Variants in NFAM1 observed in about 807,000 individuals in gnomAD.
The protein encoded by NFAM1 is NFAT activation molecule 1.
Under a neutral mutation model 29.0 loss-of-function variants are expected in NFAM1, and 17 were observed. The observed-to-expected ratio is 0.59, with a 90% confidence interval of 0.40 to 0.88. The LOEUF (loss-of-function observed/expected upper bound fraction) is 0.88, where lower values mean the gene tolerates loss of function less well. Ranked by LOEUF, NFAM1 falls within the 40% of genes least tolerant of loss-of-function variation. The pLI, the probability that NFAM1 is intolerant of heterozygous loss-of-function variation, is 0.00. For missense variants in NFAM1, 324 were observed against 344.6 expected (o/e 0.94, Z 0.47); for synonymous variants, 175 against 147.2 (o/e 1.19, Z -1.36).
chr22:42,422,040 T>G (rs2146550683), intron 1 of NFAM1, among the ~76,000 whole-genome samples: 1 of 152,306 alleles, frequency 6.6e-6, no homozygotes, highest in Admixed American at 6.5e-5. Flanking sequence ...CAGAGACTAT[T>G]TCGGAGCTTT....
rs1930024908 is a variant in NFAM1 at position 42,409,881 on chromosome 22, T to C, written c.452-334A>G. ...CTCTTCTTTTCCCTGTGTGAGGTGG[T>C]GATAATACGGGTGGATGTGGCTAGG... On this transcript the variant is annotated intron_variant, in intron 2 of 5. Transcript: ENST00000329021. This position sits in a 1 kb window ranked among gnomAD's most constrained non-coding sequence, Gnocchi z 4.9. Among the ~76,000 whole-genome samples, 1 of 152,084 alleles carries C rather than the reference T, an allele frequency of 6.6e-6. No individual in the cohort carries two copies. Among genetic ancestry groups the C allele is most frequent in the Admixed American group, 6.6e-5 (1 of 15,262 alleles).
chr22:42,399,905 G>A (rs368942550), intron 3 of NFAM1, among the ~76,000 whole-genome samples: 6 of 152,318 alleles, frequency 3.9e-5, no homozygotes, highest in South Asian at 4.1e-4. Context: ...GGCAGAAGCC[G>A]GCGCCACCCC....
chr22:42,382,796 TCTCCTC>T lies in NFAM1; in HGVS notation c.*2359_*2364del, dbSNP rs374319363. ...AGGGTCCCGTCCTTTCATGCTGTGC[TCTCCTC>T]CTCCTCCTCCTCCTCCCTGCCTCTC... On this transcript the variant is annotated 3_prime_UTR_variant, in exon 6 of 6. Transcript: ENST00000329021. The T allele has an allele frequency of 4.5e-5, 7 of 153,924 alleles. No homozygotes were observed. The highest frequency in any genetic ancestry group is 1.9e-4 in the East Asian group (1 of 5,212). The allele number at this position is 153,924 out of a possible 1,614,324, so 9.5% of individuals were successfully genotyped here.
rs577014993 is a variant in NFAM1 at position 42,409,013 on chromosome 22, G to A, written c.564+422C>T. ...GTGTGTGGGAGGGTTGCTGGAGGGC[G>A]TGCGAGAGGGCGAGTGGGAGGGTGT... is the stretch of plus-strand genomic sequence containing the variant. On this transcript the variant is annotated intron_variant, in intron 3 of 5. Coordinates refer to ENST00000329021, the MANE Select transcript of NFAM1 (RefSeq NM_145912.8). This position sits in a 1 kb window ranked among gnomAD's most constrained non-coding sequence, Gnocchi z 4.9. Among the ~76,000 whole-genome samples the A allele has an allele frequency of 2.6e-5, 4 of 152,042 alleles. No homozygotes were observed. The highest frequency in any genetic ancestry group is 1.9e-4 in the East Asian group (1 of 5,170).
upstream of NFAM1, among the ~76,000 whole-genome samples, chr22:42,433,518 T>G (rs1160193678): frequency 6.6e-6 from 1 of 152,190 alleles, no homozygotes; most frequent in Non-Finnish European, 1.5e-5. Flanking sequence ...TGCTACTGCC[T>G]GCTCAGGTGT....
chr22:42,407,014 A>G (rs1172172997), intron 3 of NFAM1, among the ~76,000 whole-genome samples: 1 of 150,650 alleles, frequency 6.6e-6, no homozygotes, highest in African/African-American at 2.4e-5. Context: ...TGACCTTGTG[A>G]TCTGCCTGCC....
At chr22:42,432,052 G>C (rs1393815175) in intron 1 of NFAM1, among the ~76,000 whole-genome samples, 185 bp downstream of exon 1, 2 of 152,180 alleles carry the variant, frequency 1.3e-5, no homozygotes, top group African/African-American at 4.8e-5. Context: ...AGCCACCTTG[G>C]CAAGGCATTA....
intron 4 of NFAM1, among the ~76,000 whole-genome samples, chr22:42,390,977 C>T (rs1929320407): frequency 6.6e-6 from 1 of 152,186 alleles, no homozygotes; most frequent in Admixed American, 6.5e-5. Flanking sequence ...AACTGCTTCA[C>T]AGACCTCCAC....
chr22:42,402,552 G>C (rs1929757917), intron 3 of NFAM1, among the ~76,000 whole-genome samples: 1 of 152,190 alleles, frequency 6.6e-6, no homozygotes, highest in Non-Finnish European at 1.5e-5. Flanking sequence ...CCTATGGGGT[G>C]GGACAGAACA....
intron 2 of NFAM1, among the ~76,000 whole-genome samples, chr22:42,410,116 A>G (rs1009137974): frequency 3.3e-5 from 5 of 152,134 alleles, no homozygotes; most frequent in Non-Finnish European, 7.4e-5. Flanking sequence ...AGCACTGCCT[A>G]TTGTCAGCCA....
chr22:42,417,881 C>T (rs1601756046), intron 1 of NFAM1, among the ~76,000 whole-genome samples: 2 of 152,286 alleles, frequency 1.3e-5, no homozygotes, highest in South Asian at 2.1e-4. Flanking sequence ...GCCCCGTCCC[C>T]GGGCTTGGCT....
intron 4 of NFAM1, among the ~76,000 whole-genome samples, chr22:42,393,371 G>T (rs960073917): frequency 6.6e-6 from 1 of 151,440 alleles, no homozygotes; most frequent in Non-Finnish European, 1.5e-5. Flanking sequence ...GCCACATAGT[G>T]AGAACTCATG....
At chr22:42,412,945 T>C (rs755570327) in intron 1 of NFAM1, among the ~76,000 whole-genome samples, 2 of 152,144 alleles carry the variant, frequency 1.3e-5, no homozygotes, top group Non-Finnish European at 2.9e-5. Context: ...AGAAAACAGT[T>C]TGAAAATTCC....
chr22:42,425,187 T>G (rs1395856522), intron 1 of NFAM1, among the ~76,000 whole-genome samples: 2 of 152,064 alleles, frequency 1.3e-5, no homozygotes, highest in Admixed American at 1.3e-4. Context: ...CCCCCCAAAG[T>G]GCGGGATTAC....
chr22:42,424,896 T>C (rs74626211), intron 1 of NFAM1, among the ~76,000 whole-genome samples: 1 of 146,968 alleles, frequency 6.8e-6, no homozygotes, highest in Non-Finnish European at 1.5e-5. Flanking sequence ...TTCTTTCCTT[T>C]CTTTCTTTCT....
chr22:42,435,679 T>A (rs1050955133), upstream of NFAM1, among the ~76,000 whole-genome samples: 6 of 152,254 alleles, frequency 3.9e-5, 2 homozygotes, highest in Admixed American at 3.9e-4. Context: ...CCACAAACAC[T>A]TATTATGTGC....
chr22:42,417,439 T>C (rs187523193), intron 1 of NFAM1, among the ~76,000 whole-genome samples: 116 of 152,290 alleles, frequency 7.6e-4, no homozygotes, highest in African/African-American at 2.7e-3. Flanking sequence ...CTGGAACAGG[T>C]CCTGGGGCGC....
intron 1 of NFAM1, among the ~76,000 whole-genome samples, chr22:42,414,485 A>G (rs967671267): frequency 2.0e-5 from 3 of 151,956 alleles, no homozygotes; most frequent in African/African-American, 7.3e-5. Flanking sequence ...CGTGTCTGTA[A>G]TCCCAGCTAC....
rs559645387 is a variant in NFAM1 at position 42,388,781 on chromosome 22, C to T, written c.664-1703G>A. On this transcript the variant is annotated intron_variant, in intron 4 of 5. Transcript: ENST00000329021. This position sits in a 1 kb window ranked among gnomAD's most constrained non-coding sequence, Gnocchi z 4.1. ...GGGGATGGTGGGGCGGCCCTGAGGA[C>T]GAGTTCAAGGGGTCTCTGAGCCAGA... 3.3e-5 allele frequency among the ~76,000 whole-genome samples: 5 copies of T among 152,248 alleles called. No homozygotes were observed. The highest frequency in any genetic ancestry group is 6.5e-5 in the Admixed American group (1 of 15,302).
Sources: allele counts gnomAD v4.1 joint callset (sites outside exome capture counted in the v4.1 genomes callset), GRCh38; gene constraint gnomAD v4.1.1; non-coding constraint Gnocchi (gnomAD v3.1); transcripts MANE v1.5; gene names NCBI Gene and HGNC (gene_info 2026-07-23, HGNC 2026-07-21).